Variants in ST6GALNAC3 observed in about 807,000 individuals in gnomAD.
ST6GALNAC3 encodes ST6 N-acetylgalactosaminide alpha-2,6-sialyltransferase 3.
Under a neutral mutation model 32.7 loss-of-function variants are expected in ST6GALNAC3, and 25 were observed. That is an observed-to-expected ratio of 0.76 (90% CI 0.56 to 1.07). ST6GALNAC3 has a LOEUF of 1.07. Among genes scored for constraint, ST6GALNAC3 ranks in the 50% least tolerant of loss-of-function variants. ST6GALNAC3 has a pLI of 0.00. For missense variants in ST6GALNAC3, 355 were observed against 382.4 expected, an observed-to-expected ratio of 0.93 and a Z score of 0.60; for synonymous variants, 129 against 133.1, an observed-to-expected ratio of 0.97 and a Z score of 0.21.
intron 1 of ST6GALNAC3, among the ~76,000 whole-genome samples, chr1:76,121,722 CA>C (rs1269643939): frequency 6.6e-6 from 1 of 151,594 alleles, no homozygotes; most frequent in Non-Finnish European, 1.5e-5. Flanking sequence ...TCTCAAAAAA[CA>C]AAAAAAATGT....
chr1:76,623,356 C>G (rs1648763581), intron 3 of ST6GALNAC3, among the ~76,000 whole-genome samples: 1 of 151,882 alleles, frequency 6.6e-6, no homozygotes, highest in Non-Finnish European at 1.5e-5. Flanking sequence ...ACACGCCTGC[C>G]TTTATTTTCC....
chr1:76,279,310 G>T (rs192536429), intron 1 of ST6GALNAC3, among the ~76,000 whole-genome samples: 4 of 152,198 alleles, frequency 2.6e-5, no homozygotes, highest in Non-Finnish European at 5.9e-5. Context: ...CCTCCTCTGT[G>T]GATCTGACTG....
intron 2 of ST6GALNAC3, among the ~76,000 whole-genome samples, chr1:76,407,166 T>TAA (rs1036151907): frequency 6.6e-5 from 10 of 152,096 alleles, no homozygotes; most frequent in African/African-American, 9.6e-5. Context: ...CTTAGGCTTC[T>TAA]AAAACAGCAT....
chr1:76,321,046 C>A (rs1227778247), intron 2 of ST6GALNAC3, among the ~76,000 whole-genome samples: 1 of 151,814 alleles, frequency 6.6e-6, no homozygotes, highest in Admixed American at 6.6e-5. Context: ...TGTCTACTCT[C>A]CACCTTCCCT....
intron 2 of ST6GALNAC3, among the ~76,000 whole-genome samples, chr1:76,375,144 T>C (rs1651121574): frequency 6.6e-6 from 1 of 152,120 alleles, no homozygotes; most frequent in African/African-American, 2.4e-5. Context: ...CTGCATCCCA[T>C]TAGAGTATAC....
At chr1:76,287,551 A>G (rs1659855652) in intron 1 of ST6GALNAC3, among the ~76,000 whole-genome samples, 1 of 152,110 alleles carries the variant, frequency 6.6e-6, no homozygotes, top group South Asian at 2.1e-4. Context: ...TGAAAAGCTC[A>G]TCTGTTTAAA....
At chr1:76,391,590 CT>C (rs1652566136) in intron 2 of ST6GALNAC3, among the ~76,000 whole-genome samples, 1 of 41,286 alleles carries the variant, frequency 2.4e-5, no homozygotes, top group Non-Finnish European at 4.8e-5. Flanking sequence ...TCCCTTTCAC[CT>C]TCCCCTTCCC....
Position 76,247,845 on chromosome 1 carries a change from G to A in ST6GALNAC3, c.19-65960G>A, listed in dbSNP as rs559300212. Among the ~76,000 whole-genome samples the A allele has an allele frequency of 1.1e-4, 17 of 152,008 alleles. No individual in the cohort carries two copies. In the South Asian group the frequency reaches 2.7e-3, roughly 24 times the overall value. ...GGGGAGTGGACTGTTCTCCTGTCTC[G>A]GTGGGTTTCCAGATGCCACTGGGAT... On this transcript the variant is annotated intron_variant, in intron 1 of 4. Transcript: ENST00000328299.
chr1:76,305,533 G>T (rs1363775222), intron 1 of ST6GALNAC3, among the ~76,000 whole-genome samples: 2 of 152,080 alleles, frequency 1.3e-5, no homozygotes, highest in Non-Finnish European at 2.9e-5. Context: ...GGAAAGCTCA[G>T]TCTGGAGGTG....
At chr1:76,418,354 G>C (rs528074297) in intron 3 of ST6GALNAC3, among the ~76,000 whole-genome samples, 1 of 152,058 alleles carries the variant, frequency 6.6e-6, no homozygotes, top group Non-Finnish European at 1.5e-5. Context: ...CAAGGAAGCC[G>C]CCTTAACACA....
chr1:76,415,085 A>C (rs1423595899), intron 3 of ST6GALNAC3, among the ~76,000 whole-genome samples: 1 of 151,468 alleles, frequency 6.6e-6, no homozygotes, highest in African/African-American at 2.4e-5. Flanking sequence ...AGTTTTCCAC[A>C]ATCTAGATTT....
chr1:76,306,691 G>T (rs34413940), intron 1 of ST6GALNAC3, among the ~76,000 whole-genome samples: 110,232 of 147,622 alleles, frequency 0.75, 42,218 homozygotes, highest in Non-Finnish European at 0.84. Context: ...GGGGGCGGGG[G>T]GTGCAGACAT....
intron 1 of ST6GALNAC3, among the ~76,000 whole-genome samples, chr1:76,128,110 G>A (rs1024112915): frequency 1.2e-4 from 18 of 152,120 alleles, no homozygotes; most frequent in Admixed American, 5.2e-4. Context: ...ACGAGAAGTC[G>A]GAGCCCATTG....
intron 3 of ST6GALNAC3, among the ~76,000 whole-genome samples, chr1:76,505,569 G>T (rs771892742): frequency 1.3e-5 from 2 of 152,124 alleles, no homozygotes; most frequent in African/African-American, 4.8e-5. Flanking sequence ...CCTAGACAGG[G>T]TCCAGAATGG....
chr1:76,575,488 A>G (rs315026), intron 3 of ST6GALNAC3, among the ~76,000 whole-genome samples: 59,705 of 152,002 alleles, frequency 0.39, 13,198 homozygotes, highest in African/African-American at 0.61. Context: ...ATAGCAGAAT[A>G]TGGGTGGATT....
intron 3 of ST6GALNAC3, among the ~76,000 whole-genome samples, chr1:76,450,636 T>C (rs1057272516): frequency 1.3e-5 from 2 of 152,218 alleles, no homozygotes; most frequent in Non-Finnish European, 2.9e-5. Flanking sequence ...CCTAAGCCAA[T>C]GTCTAGAAGG....
intron 3 of ST6GALNAC3, among the ~76,000 whole-genome samples, chr1:76,508,891 A>G (rs1474540002): frequency 6.6e-6 from 1 of 152,174 alleles, no homozygotes; most frequent in Non-Finnish European, 1.5e-5. Context: ...ATTTTTTGTC[A>G]CATCAAAGTA....
At chr1:76,522,111 C>A (rs1217479894) in intron 3 of ST6GALNAC3, among the ~76,000 whole-genome samples, 1 of 149,270 alleles carries the variant, frequency 6.7e-6, no homozygotes, top group Non-Finnish European at 1.5e-5. Flanking sequence ...AAACACCATT[C>A]TAATTTCTTC....
At chr1:76,316,138 A>T (rs11162120) in intron 2 of ST6GALNAC3, among the ~76,000 whole-genome samples, 2 of 152,148 alleles carry the variant, frequency 1.3e-5, no homozygotes, top group East Asian at 1.9e-4. Flanking sequence ...CCAAGTGTTG[A>T]CGAGGATGTG....
Sources: allele counts gnomAD v4.1 joint callset (sites outside exome capture counted in the v4.1 genomes callset), GRCh38; gene constraint gnomAD v4.1.1; transcripts MANE v1.5; gene names NCBI Gene and HGNC (gene_info 2026-07-23, HGNC 2026-07-21).